Variants in SETD1A observed in about 807,000 individuals in gnomAD.
SETD1A encodes the protein SET domain containing 1A, histone lysine methyltransferase.
In SETD1A, 29 loss-of-function variants were observed where a neutral mutation model predicts 149.9. The ratio of observed to expected loss-of-function variants is 0.19; its 90% confidence interval spans 0.14 to 0.26. SETD1A has a LOEUF of 0.26. Ranked by LOEUF, SETD1A falls within the 10% of genes least tolerant of loss-of-function variation. The pLI is 1.00. For synonymous variants in SETD1A, 1,141 were observed against 968.5 expected (o/e 1.18, Z -3.31); for missense variants, 2,109 against 2,353.1 (o/e 0.90, Z 2.15).
chr16:30,961,440 G>A lies in SETD1A; in HGVS notation c.420G>A (p.Val140=). 6 of 1,614,158 alleles carry A rather than the reference G, an allele frequency of 3.7e-6. No homozygotes were observed. Among genetic ancestry groups the A allele is most frequent in the Non-Finnish European group, 5.1e-6 (6 of 1,180,030 alleles). ...GCAAGCACCTGGGCCTGGCCCGTGT[G>A]CTCTTCACCAGCACTCGGGGCGCCA... ...RTRKHLGLAR[V]LFTSTRGAKE... is the part of the protein sequence containing the mutation. Residue 140 remains valine (V), a synonymous_variant, in exon 4 of 19, where the codon GTG becomes GTA. Coordinates refer to ENST00000262519, the MANE Select transcript of SETD1A (RefSeq NM_014712.3). This position sits in a 1 kb window ranked among gnomAD's most constrained non-coding sequence, Gnocchi z 4.0.
chr16:30,980,355 G>C lies in SETD1A; in HGVS notation c.4409-130G>C. On this transcript the variant is annotated intron_variant, in intron 14 of 18. Transcript: ENST00000262519. The surrounding 1 kb of genome is among the most constrained non-coding windows in gnomAD (Gnocchi z 7.7). ...CTGCCTTCCAAAGCATTTCTGGCAG[G>C]AACGATGGGGCTGGGGCTTCCTCCC... 6.9e-7 allele frequency: 1 copy of C among 1,449,898 alleles called. No individual in the cohort carries two copies. Among genetic ancestry groups the C allele is most frequent in the South Asian group, 1.4e-5 (1 of 73,474 alleles). 89.8% of individuals were successfully genotyped at this position (1,449,898 alleles called of 1,614,324 possible).
In SETD1A at chr16:30,964,471, G is replaced by C. The variant is rs998286785; in HGVS notation, c.870-141G>C. The C allele has an allele frequency of 2.8e-6, 4 of 1,438,908 alleles. No individual in the cohort carries two copies. The African/African-American group carries it at 5.6e-5, about 20-fold the overall frequency. The allele number at this position is 1,438,908 out of a possible 1,614,324, so 89.1% of individuals were successfully genotyped here. Reference sequence around the variant, plus strand: ...ATTCAGTCAACAAATTGCTGTCCTCGGGGAACACACTAGCTAGGAACCCAA... The same window carrying C: ...ATTCAGTCAACAAATTGCTGTCCTCCGGGAACACACTAGCTAGGAACCCAA... On this transcript the variant is annotated intron_variant, in intron 6 of 18. Transcript: ENST00000262519.
In SETD1A at chr16:30,983,615, A is replaced by G. The variant is rs747907651; in HGVS notation, c.4813-20A>G. The G allele has an allele frequency of 5.6e-6, 9 of 1,607,916 alleles. No homozygotes were observed. The highest frequency in any genetic ancestry group is 1.1e-5 in the South Asian group (1 of 89,750). ...GGAAGTGGGGGACTCTTCCCTGACC[A>G]TCGCATCTCACCCTGGCAGATGGTG... On this transcript the variant is annotated intron_variant, in intron 17 of 18. Coordinates refer to ENST00000262519, the MANE Select transcript of SETD1A (RefSeq NM_014712.3). The surrounding 1 kb of genome is among the most constrained non-coding windows in gnomAD (Gnocchi z 6.8).
chr16:30,979,381 G>A lies in SETD1A; in HGVS notation c.3595G>A (p.Ala1199Thr), dbSNP rs777617430. 2.5e-6 allele frequency: 4 copies of A among 1,612,210 alleles called. No homozygotes were observed. The highest frequency in any genetic ancestry group is 3.4e-6 in the Non-Finnish European group (4 of 1,179,440). The change falls in exon 14 of 19, where the codon GCT (alanine) becomes ACT (threonine). Residue 1199 changes from alanine to threonine, a missense_variant. Ala to Thr is a moderately conservative substitution (Grantham distance 58, BLOSUM62 0). This residue lies in a region of SETD1A where 832 missense variants were observed against 815.6 expected (regional missense o/e 1.02). Coordinates refer to ENST00000262519, the MANE Select transcript of SETD1A (RefSeq NM_014712.3). ...GTTTCCCGGCCCAGCCTCCCGCAAG[G>A]CTCCCCGGGGCGTGGAGCGGACCAT... ...AKFPGPASRKAPRGVERTIRN... is the reference protein window; with the variant it reads ...AKFPGPASRKTPRGVERTIRN...
intron 13 of SETD1A, among the ~76,000 whole-genome samples, chr16:30,975,822 G>A (rs774855658): frequency 1.3e-5 from 2 of 152,118 alleles, no homozygotes; most frequent in Non-Finnish European, 2.9e-5. Context: ...CAGAGCTGGA[G>A]GGAGAGCAAG....
intron 13 of SETD1A, 58 bp from the exon 14 acceptor site, chr16:30,979,087 G>C: frequency 6.8e-7 from 1 of 1,476,612 alleles, no homozygotes; most frequent in Non-Finnish European, 9.0e-7. Flanking sequence ...TGGGCGGCCA[G>C]GGTGGCTGAG....
At chr16:30,977,810 G>A (rs2056302606) in intron 13 of SETD1A, among the ~76,000 whole-genome samples, 1 of 152,236 alleles carries the variant, frequency 6.6e-6, no homozygotes, top group African/African-American at 2.4e-5. Context: ...CCTAGGGCCG[G>A]GCCTGGTGCC....
rs972180484 is a variant in SETD1A at position 30,967,303 on chromosome 16, G to A, written c.2683-198G>A. Among the ~76,000 whole-genome samples the A allele has an allele frequency of 5.3e-5, 8 of 152,156 alleles. No individual in the cohort carries two copies. The South Asian group carries it at 8.3e-4, about 16-fold the overall frequency. The stretch of plus-strand genomic sequence containing the variant: ...CGAGTAGCTGGGGTTACAGGCACCC[G>A]CCACCACGCCTGGCTAATTTTTGTA... On this transcript the variant is annotated intron_variant, in intron 9 of 18. Coordinates refer to ENST00000262519, the MANE Select transcript of SETD1A (RefSeq NM_014712.3).
In SETD1A at chr16:30,966,400, C is replaced by T. The variant is rs749534873; in HGVS notation, c.2505+14C>T. On this transcript the variant is annotated intron_variant, in intron 8 of 18. Transcript: ENST00000262519. ...GAGAAGGCCAAGGTGAGGCCAGCGC[C>T]TGGGACCGGGGAGCCCTGGGCTTTG... 2 of 1,592,004 alleles carry T rather than the reference C, an allele frequency of 1.3e-6. No individual in the cohort carries two copies. Among genetic ancestry groups the T allele is most frequent in the South Asian group, 1.1e-5 (1 of 87,650 alleles).
At chr16:30,967,469 TAAAC>T in intron 9 of SETD1A, 28 bp from the exon 10 acceptor site, 1 of 1,604,720 alleles carries the variant, frequency 6.2e-7, no homozygotes, top group Non-Finnish European at 8.5e-7. Context: ...GTTTGAGCTC[TAAAC>T]AGGCCCCATC....
intron 12 of SETD1A, among the ~76,000 whole-genome samples, chr16:30,971,158 G>A (rs954064539): frequency 6.6e-6 from 1 of 152,078 alleles, no homozygotes; most frequent in African/African-American, 2.4e-5. Context: ...TTCCTTTTCG[G>A]GCCTCTTCAG....
rs186188661 is a variant in SETD1A at position 30,975,020 on chromosome 16, G to T, written c.3358+3301G>T. On this transcript the variant is annotated intron_variant, in intron 13 of 18. Transcript: ENST00000262519. ...AAACTAGCTGGGCATAGTGGCACAT[G>T]CCTGTAATCCCAGCTACTCGGGAGG... Among the ~76,000 whole-genome samples, 29 of 152,194 alleles carry T rather than the reference G, an allele frequency of 1.9e-4. 1 individual carries two copies. Among genetic ancestry groups the T allele is most frequent in the Admixed American group, 1.9e-3 (29 of 15,268 alleles).
chr16:30,979,919 ACAG>A lies in SETD1A; in HGVS notation c.4147_4149del (p.Ser1383del), dbSNP rs542501339. 2.3e-4 allele frequency: 354 copies of A among 1,531,764 alleles called. 1 individual carries two copies. The highest frequency in any genetic ancestry group is 2.6e-4 in the Non-Finnish European group (302 of 1,144,372). The allele number at this position is 1,531,764 out of a possible 1,614,324, so 94.9% of individuals were successfully genotyped here. On this transcript the variant is annotated inframe_deletion, in exon 14 of 19. Transcript: ENST00000262519. ...GAGGAAGAGGAGGAGGAGTCCTCTG[ACAG>A]CAGCAGCAGCAGCGATGGGGAGGGC...
At position 30,980,633 on chromosome 16, in the gene SETD1A, G is replaced by A. The variant is rs1212047101; in HGVS notation, c.4557G>A (p.Arg1519=). ...KYLDVCPVSA[R]QLEGVDTQGT... ...TGGACGTGTGCCCAGTCTCGGCCCGGCAGCTGGAGGGCGTGGACACTCAGG... is the reference window on the plus strand; with the variant it reads ...TGGACGTGTGCCCAGTCTCGGCCCGACAGCTGGAGGGCGTGGACACTCAGG... Residue 1519 remains arginine (R), a synonymous_variant, in exon 15 of 19, where the codon CGG becomes CGA. Coordinates refer to ENST00000262519, the MANE Select transcript of SETD1A (RefSeq NM_014712.3). The surrounding 1 kb of genome is among the most constrained non-coding windows in gnomAD (Gnocchi z 7.7). 1.2e-5 allele frequency: 19 copies of A among 1,613,454 alleles called. No individual in the cohort carries two copies. The highest frequency in any genetic ancestry group is 1.6e-5 in the Non-Finnish European group (19 of 1,179,972).
intron 5 of SETD1A, 38 bp downstream of exon 5, chr16:30,963,592 G>T: frequency 6.3e-7 from 1 of 1,592,446 alleles, no homozygotes; most frequent in South Asian, 1.1e-5. Context: ...CTAGCCATGT[G>T]GGCATGGTGT....
At chr16:30,977,645 A>C (rs1166348103) in intron 13 of SETD1A, among the ~76,000 whole-genome samples, 1 of 152,192 alleles carries the variant, frequency 6.6e-6, no homozygotes, top group Non-Finnish European at 1.5e-5. Context: ...AGGTGAGAGG[A>C]GGCCTGCATG....
intron 13 of SETD1A, 59 bp downstream of exon 13, chr16:30,971,778 A>G (rs1447209359): frequency 6.0e-6 from 9 of 1,500,046 alleles, no homozygotes; most frequent in South Asian, 2.7e-5. Context: ...GAGAGAAAAC[A>G]GTGGTGCTTG....
intron 4 of SETD1A, among the ~76,000 whole-genome samples, chr16:30,962,610 C>G (rs951416492): frequency 6.6e-6 from 1 of 152,128 alleles, no homozygotes; most frequent in Non-Finnish European, 1.5e-5. Context: ...GGCCAGTTTG[C>G]AAGTGGAAAT....
chr16:30,975,808 C>T (rs925398793), intron 13 of SETD1A, among the ~76,000 whole-genome samples: 1 of 152,022 alleles, frequency 6.6e-6, no homozygotes, highest in Admixed American at 6.6e-5. Context: ...CTAAGGTTAC[C>T]AGCCAGAGCT....
Sources: allele counts gnomAD v4.1 joint callset (sites outside exome capture counted in the v4.1 genomes callset), GRCh38; gene constraint gnomAD v4.1.1; regional missense constraint gnomAD v4.1.1; non-coding constraint Gnocchi (gnomAD v3.1); transcripts MANE v1.5; gene names NCBI Gene and HGNC (gene_info 2026-07-23, HGNC 2026-07-21).